The following ADGRG6 variants were observed in gnomAD, a reference collection of about 807,000 sequenced individuals.
ADGRG6 encodes the protein adhesion G protein-coupled receptor G6.
In ADGRG6, 84 loss-of-function variants were observed where a neutral mutation model predicts 142.4. The observed-to-expected ratio is 0.59, with a 90% CI of 0.49 to 0.71. The LOEUF is 0.71. Among genes scored for constraint, ADGRG6 ranks in the 30% least tolerant of loss-of-function variants. ADGRG6 has a pLI of 0.00. For missense variants in ADGRG6, 1,367 were observed against 1,466.6 expected (o/e 0.93, Z 1.11); for synonymous variants, 521 against 520.5 (o/e 1.00, Z -0.01).
At chr6:142,421,541 A>G (rs1477903262) in intron 22 of ADGRG6, among the ~76,000 whole-genome samples, 1 of 152,216 alleles carries the variant, frequency 6.6e-6, no homozygotes. Flanking sequence ...TATTGACAAA[A>G]GTATCCATTA....
chr6:142,397,827 G>A, intron 10 of ADGRG6, 72 bp downstream of exon 10: 1 of 974,368 alleles, frequency 1.0e-6, no homozygotes, highest in Non-Finnish European at 1.4e-6. Context: ...AACAACAGCA[G>A]AAATTTTCTT....
At chr6:142,408,439 A>G (rs1583108362) in intron 16 of ADGRG6, among the ~76,000 whole-genome samples, 170 bp downstream of exon 16, 2 of 152,290 alleles carry the variant, frequency 1.3e-5, no homozygotes, top group Middle Eastern at 3.4e-3. Flanking sequence ...GTCACAGTAA[A>G]TTGAAGCAGC....
intron 2 of ADGRG6, among the ~76,000 whole-genome samples, chr6:142,324,768 T>C (rs1298470872): frequency 6.6e-6 from 1 of 152,146 alleles, no homozygotes; most frequent in African/African-American, 2.4e-5. Flanking sequence ...TGTTGCCATA[T>C]TGTGTTTTAT....
At chr6:142,418,524 C>T (rs1052208599) in intron 21 of ADGRG6, among the ~76,000 whole-genome samples, 1 of 151,962 alleles carries the variant, frequency 6.6e-6, no homozygotes, top group African/African-American at 2.4e-5. Flanking sequence ...ATTCCAGGGA[C>T]ATTTATAACA....
intron 7 of ADGRG6, among the ~76,000 whole-genome samples, chr6:142,390,887 G>A (rs989202927): frequency 4.0e-5 from 6 of 151,554 alleles, no homozygotes; most frequent in East Asian, 1.9e-4. Flanking sequence ...TTTTTTACAC[G>A]AAAAGTAGTA....
At chr6:142,381,474 A>G (rs1377996344) in intron 4 of ADGRG6, among the ~76,000 whole-genome samples, 1 of 152,250 alleles carries the variant, frequency 6.6e-6, no homozygotes, top group African/African-American at 2.4e-5. Flanking sequence ...CTTGAAATAA[A>G]AAGACACAGA....
chr6:142,338,595 T>C (rs1315694892), intron 2 of ADGRG6, among the ~76,000 whole-genome samples: 1 of 151,928 alleles, frequency 6.6e-6, no homozygotes, highest in African/African-American at 2.4e-5. Flanking sequence ...AAATTCGTTT[T>C]AGCTATAGAA....
At chr6:142,383,452 G>A (rs1167150142) in intron 5 of ADGRG6, among the ~76,000 whole-genome samples, 2 of 152,124 alleles carry the variant, frequency 1.3e-5, no homozygotes, top group Non-Finnish European at 2.9e-5. Context: ...GTGTTTTACT[G>A]TGTGATTGCC....
chr6:142,351,534 A>G (rs983107649), intron 2 of ADGRG6, among the ~76,000 whole-genome samples: 3 of 152,206 alleles, frequency 2.0e-5, no homozygotes, highest in East Asian at 1.9e-4. Flanking sequence ...TCTTCCTTAC[A>G]CTACACACAA....
In ADGRG6 at chr6:142,443,524, AGAAAAAGAAATCAATCTGCAGAAATG is replaced by A. The variant is rs1777858546; in HGVS notation, c.*10_*35del. ...ACAGCACAAAGTTTTAATGTCTTTA[AGAAAAAGAAATCAATCTGCAGAAATG>A]TGAAGATTTGCAAGCAGTGTAAACT... On this transcript the variant is annotated 3_prime_UTR_variant, in exon 25 of 25. Coordinates refer to ENST00000367609, the MANE Select transcript of ADGRG6 (RefSeq NM_198569.3). The A allele has an allele frequency of 6.3e-7, 1 of 1,588,056 alleles. No individual in the cohort carries two copies. Among genetic ancestry groups the A allele is most frequent in the African/African-American group, 1.3e-5 (1 of 74,184 alleles).
At chr6:142,406,555 T>A (rs1478129192) in intron 15 of ADGRG6, among the ~76,000 whole-genome samples, 3 of 152,218 alleles carry the variant, frequency 2.0e-5, no homozygotes, top group Admixed American at 2.0e-4. Context: ...GAATTGTTTC[T>A]AATAGATCTG....
intron 2 of ADGRG6, among the ~76,000 whole-genome samples, chr6:142,356,039 G>C (rs1780424971): frequency 6.6e-6 from 1 of 152,142 alleles, no homozygotes; most frequent in African/African-American, 2.4e-5. Flanking sequence ...GGCTCTATGA[G>C]GTTAATGCAT....
chr6:142,306,597 A>G (rs1429344578), intron 1 of ADGRG6, among the ~76,000 whole-genome samples: 3 of 152,204 alleles, frequency 2.0e-5, no homozygotes, highest in Admixed American at 1.3e-4. Context: ...ATAGGAGTCT[A>G]TGACTGTCTT....
rs111609439 is a variant in ADGRG6 at position 142,435,132 on chromosome 6, G to A, written c.3320-2302G>A. 7.8e-3 allele frequency among the ~76,000 whole-genome samples: 1,182 copies of A among 151,954 alleles called. 21 individuals carry two copies. Among genetic ancestry groups the A allele is most frequent in the African/African-American group, 0.027 (1,108 of 41,448 alleles). On this transcript the variant is annotated intron_variant, in intron 22 of 24. Transcript: ENST00000367609. ...ATAAGTTTTAATGATCCCTTAAAAG[G>A]ACTGTCATAAGTTTTACATTTATGC...
At chr6:142,346,494 T>C (rs1779907844) in intron 2 of ADGRG6, among the ~76,000 whole-genome samples, 1 of 151,924 alleles carries the variant, frequency 6.6e-6, no homozygotes, top group Non-Finnish European at 1.5e-5. Flanking sequence ...TTTGATGGAG[T>C]TGTTTGTTTT....
intron 7 of ADGRG6, among the ~76,000 whole-genome samples, chr6:142,391,959 A>T (rs1398113222): frequency 6.6e-6 from 1 of 151,896 alleles, no homozygotes; most frequent in Non-Finnish European, 1.5e-5. Context: ...TATTTACTTC[A>T]TGCATGGTTT....
chr6:142,418,752 C>T lies in ADGRG6; in HGVS notation c.3036-1069C>T, dbSNP rs188264371. Among the ~76,000 whole-genome samples the T allele has an allele frequency of 4.8e-4, 73 of 152,056 alleles. 1 individual carries two copies. In the East Asian group the frequency reaches 8.7e-3, roughly 18 times the overall value. The stretch of plus-strand genomic sequence containing the variant: ...TTTTGCCTTTGTGGAGGTTATGTTC[C>T]AACATGGAAGATATGGCCCAGAATA... On this transcript the variant is annotated intron_variant, in intron 21 of 24. Coordinates refer to ENST00000367609, the MANE Select transcript of ADGRG6 (RefSeq NM_198569.3).
chr6:142,352,512 G>A (rs966918877), intron 2 of ADGRG6, among the ~76,000 whole-genome samples: 1 of 152,034 alleles, frequency 6.6e-6, no homozygotes, highest in African/African-American at 2.4e-5. Flanking sequence ...TGCCTCTTGG[G>A]TACTATGCTC....
intron 2 of ADGRG6, among the ~76,000 whole-genome samples, chr6:142,338,006 C>CTTTTTTTTTTTTTTTTTTTT (rs1562320880): frequency 1.5e-5 from 1 of 68,138 alleles, no homozygotes; most frequent in Non-Finnish European, 2.7e-5. Flanking sequence ...CTTTTTATGC[C>CTTTTTTTTTTTTTTTTTTTT]TTGTATCTTT....
Sources: allele counts gnomAD v4.1 joint callset (sites outside exome capture counted in the v4.1 genomes callset), GRCh38; gene constraint gnomAD v4.1.1; transcripts MANE v1.5; gene names NCBI Gene and HGNC (gene_info 2026-07-23, HGNC 2026-07-21).